The following TMEM232 variants were observed in gnomAD, a reference collection of about 807,000 sequenced individuals.
TMEM232 encodes transmembrane protein 232.
TMEM232 carries 80 observed loss-of-function variants against 78.8 expected under a neutral mutation model. The observed-to-expected ratio is 1.01, with a 90% CI of 0.85 to 1.22. TMEM232 has a LOEUF of 1.22. Among genes scored for constraint, TMEM232 ranks in the 50% most tolerant of loss-of-function variants. The pLI, the probability that TMEM232 is intolerant of heterozygous loss-of-function variation, is 0.00. For synonymous variants in TMEM232, 297 were observed against 254.3 expected (o/e 1.17, Z -1.60); for missense variants, 881 against 742.2 (o/e 1.19, Z -2.17).
chr5:110,678,813 T>A (rs1224546693), intron 1 of TMEM232, among the ~76,000 whole-genome samples: 1 of 152,196 alleles, frequency 6.6e-6, no homozygotes, highest in Non-Finnish European at 1.5e-5. Flanking sequence ...TTTCATTTAG[T>A]GATATGCATT....
intron 11 of TMEM232, among the ~76,000 whole-genome samples, chr5:110,543,239 GAT>G (rs142536086): frequency 0.018 from 2,772 of 152,154 alleles, 77 homozygotes; most frequent in African/African-American, 0.064. Context: ...AGAGGCTATA[GAT>G]ACAGATGCCA....
At chr5:110,592,251 G>A (rs752523803) in intron 10 of TMEM232, among the ~76,000 whole-genome samples, 20 of 152,092 alleles carry the variant, frequency 1.3e-4, no homozygotes, top group Non-Finnish European at 2.1e-4. Flanking sequence ...ATATTCTCTG[G>A]TTATGACAGA....
At chr5:110,617,125 C>T (rs1176601836) in intron 8 of TMEM232, among the ~76,000 whole-genome samples, 1 of 152,160 alleles carries the variant, frequency 6.6e-6, no homozygotes, top group African/African-American at 2.4e-5. Context: ...TTCATAAAAA[C>T]ATGAATGGAC....
chr5:110,499,116 T>A (rs1381585524), intron 12 of TMEM232, among the ~76,000 whole-genome samples: 1 of 151,936 alleles, frequency 6.6e-6, no homozygotes, highest in Non-Finnish European at 1.5e-5. Flanking sequence ...AGCAAAACAT[T>A]TCATTAATGC....
At chr5:110,476,570 CA>C (rs986715756) in intron 12 of TMEM232, among the ~76,000 whole-genome samples, 4 of 151,708 alleles carry the variant, frequency 2.6e-5, no homozygotes, top group East Asian at 1.9e-4. Context: ...AATAAAATTC[CA>C]AAAAAATGGA....
chr5:110,514,998 G>C (rs1768389858), intron 12 of TMEM232, among the ~76,000 whole-genome samples: 1 of 152,194 alleles, frequency 6.6e-6, no homozygotes, highest in Non-Finnish European at 1.5e-5. Flanking sequence ...TCAAGGCTTA[G>C]GTATCAGATA....
chr5:110,388,082 C>G (rs1252853323), intron 4 of TMEM232: 1 of 152,110 alleles, frequency 6.6e-6, no homozygotes, highest in Non-Finnish European at 1.5e-5. Context: ...AGGAGAGCAG[C>G]TCTCTCACGG....
chr5:110,478,690 G>A lies in TMEM232; in HGVS notation c.1703+49898C>T, dbSNP rs545361450. Among the ~76,000 whole-genome samples the A allele has an allele frequency of 3.6e-4, 54 of 151,866 alleles. 1 individual carries two copies. The highest frequency in any genetic ancestry group is 1.3e-3 in the African/African-American group (52 of 41,524). On this transcript the variant is annotated intron_variant, in intron 12 of 13. Transcript: ENST00000455884. Reference sequence around the variant, plus strand: ...GTTGAAATTCTGTATGTACAGCAAAGGGAATTAACACAATTTTCAAGATGT... The same window carrying A: ...GTTGAAATTCTGTATGTACAGCAAAAGGAATTAACACAATTTTCAAGATGT...
At chr5:110,729,041 C>T (rs113421088), upstream of TMEM232, among the ~76,000 whole-genome samples, 8 of 151,834 alleles carry the variant, frequency 5.3e-5, no homozygotes, top group Non-Finnish European at 1.2e-4. Flanking sequence ...CCTGCCACCA[C>T]GCCTGGGTAA....
At chr5:110,650,587 T>C (rs1788169327) in intron 2 of TMEM232, among the ~76,000 whole-genome samples, 1 of 152,092 alleles carries the variant, frequency 6.6e-6, no homozygotes, top group African/African-American at 2.4e-5. Context: ...CCCAGTATAA[T>C]CATGAGAAAA....
chr5:110,697,781 T>C (rs929511357), intron 1 of TMEM232, among the ~76,000 whole-genome samples: 2 of 152,146 alleles, frequency 1.3e-5, no homozygotes, highest in African/African-American at 4.8e-5. Context: ...TGGCGATCAT[T>C]AAAAAGTCAG....
chr5:110,549,221 C>A (rs1269835656), intron 11 of TMEM232, among the ~76,000 whole-genome samples: 1 of 151,692 alleles, frequency 6.6e-6, no homozygotes, highest in Non-Finnish European at 1.5e-5. Context: ...AATAATAATC[C>A]ATTAAATGCA....
At chr5:110,596,572 T>A (rs1780195278) in intron 10 of TMEM232, among the ~76,000 whole-genome samples, 1 of 152,102 alleles carries the variant, frequency 6.6e-6, no homozygotes, top group Non-Finnish European at 1.5e-5. Context: ...TAAAGAGAAT[T>A]TTAGACCAAT....
intron 1 of TMEM232, among the ~76,000 whole-genome samples, chr5:110,721,667 G>GTATATATATATA (rs1277641654): frequency 0.17 from 1,793 of 10,434 alleles, 135 homozygotes; most frequent in Non-Finnish European, 0.42. Context: ...GTGTGTGTGT[G>GTATATATATATA]TGTGTGTATA....
intron 10 of TMEM232, among the ~76,000 whole-genome samples, chr5:110,604,831 G>C (rs1479505227): frequency 1.3e-5 from 2 of 152,058 alleles, no homozygotes; most frequent in Admixed American, 6.6e-5. Flanking sequence ...GGTGGCGAGT[G>C]CCTGTAGTCC....
intron 12 of TMEM232, among the ~76,000 whole-genome samples, chr5:110,439,125 C>T (rs573595347): frequency 6.2e-4 from 94 of 152,114 alleles, no homozygotes; most frequent in Non-Finnish European, 3.4e-4. Flanking sequence ...CATTAGCTTG[C>T]CCAAATCACA....
upstream of TMEM232, chr5:110,738,256 G>C (rs1799416497): frequency 7.8e-7 from 1 of 1,285,774 alleles, no homozygotes; most frequent in South Asian, 1.2e-5. Flanking sequence ...AGGTAGTAGG[G>C]GACGCTCTAC....
intron 1 of TMEM232, among the ~76,000 whole-genome samples, chr5:110,707,259 G>C (rs141085387): frequency 6.6e-6 from 1 of 152,134 alleles, no homozygotes; most frequent in Non-Finnish European, 1.5e-5. Context: ...GAGGGTCAGA[G>C]AGACAGTCAT....
chr5:110,517,649 A>G (rs1307391495), intron 12 of TMEM232, among the ~76,000 whole-genome samples: 1 of 152,208 alleles, frequency 6.6e-6, no homozygotes, highest in Non-Finnish European at 1.5e-5. Flanking sequence ...ATGCTGCTCC[A>G]TGAAACAACA....
Sources: allele counts gnomAD v4.1 joint callset (sites outside exome capture counted in the v4.1 genomes callset), GRCh38; gene constraint gnomAD v4.1.1; transcripts MANE v1.5; gene names NCBI Gene and HGNC (gene_info 2026-07-23, HGNC 2026-07-21).